The following RFC3 variants were observed in gnomAD, a reference collection of about 807,000 sequenced individuals.
RFC3 encodes the protein replication factor C subunit 3, also known as A1 38 kDa subunit.
A neutral mutation model predicts 45.1 loss-of-function variants in RFC3; 41 were observed. The observed-to-expected ratio is 0.91, with a 90% CI of 0.71 to 1.18. The LOEUF (loss-of-function observed/expected upper bound fraction) is 1.18. RFC3 is among the 50% of genes most tolerant of loss of function. RFC3 has a pLI of 0.00. For synonymous variants in RFC3, 149 were observed against 144.0 expected (o/e 1.03, Z -0.25); for missense variants, 423 against 428.1 (o/e 0.99, Z 0.10).
intron 8 of RFC3, among the ~76,000 whole-genome samples, chr13:33,947,259 T>A (rs1038180949): frequency 1.3e-5 from 2 of 152,202 alleles, no homozygotes; most frequent in African/African-American, 4.8e-5. Context: ...TGAGTGAGTC[T>A]CATGAGATCT....
chr13:33,866,007 C>T lies in RFC3; in HGVS notation c.879+30790C>T, dbSNP rs531808611. On this transcript the variant is annotated intron_variant, in intron 8 of 8. Transcript: ENST00000434425. ...CCGGGAGGTGGAGGTTGCAGTGAGC[C>T]GAGATCATGCCATTGCACTCCAGCC... is the stretch of plus-strand genomic sequence containing the variant. Among the ~76,000 whole-genome samples the T allele has an allele frequency of 5.3e-5, 8 of 152,148 alleles. No individual in the cohort carries two copies. The East Asian group carries it at 1.5e-3, about 29-fold the overall frequency.
intron 8 of RFC3, among the ~76,000 whole-genome samples, chr13:33,888,551 T>A (rs2082542060): frequency 6.6e-6 from 1 of 152,228 alleles, no homozygotes; most frequent in South Asian, 2.1e-4. Context: ...ATGATATTCC[T>A]GTATACAATA....
intron 3 of RFC3, 29 bp downstream of exon 3, chr13:33,824,013 A>G (rs296898): frequency 0.084 from 96,300 of 1,153,068 alleles, 5,403 homozygotes; most frequent in African/African-American, 0.2. Flanking sequence ...GAAATTAAGT[A>G]TTTTTAAAGA....
chr13:33,859,872 A>G (rs1306999786), intron 8 of RFC3, among the ~76,000 whole-genome samples: 1 of 152,156 alleles, frequency 6.6e-6, no homozygotes, highest in Non-Finnish European at 1.5e-5. Context: ...CCCCAAATTC[A>G]TATGTTGAAG....
intron 8 of RFC3, among the ~76,000 whole-genome samples, chr13:33,892,544 T>G (rs1443175673): frequency 6.6e-6 from 1 of 152,208 alleles, no homozygotes; most frequent in Admixed American, 6.5e-5. Context: ...TCTTTCCACT[T>G]AAGATTTGTT....
At chr13:33,833,675 A>T (rs2082124239) in intron 7 of RFC3, among the ~76,000 whole-genome samples, 1 of 152,194 alleles carries the variant, frequency 6.6e-6, no homozygotes, top group Admixed American at 6.5e-5. Context: ...ACTTTTCAGA[A>T]GTAAGCTATA....
intron 8 of RFC3, among the ~76,000 whole-genome samples, chr13:33,857,984 G>C (rs2082318092): frequency 6.6e-6 from 1 of 152,124 alleles, no homozygotes; most frequent in Non-Finnish European, 1.5e-5. Context: ...TTAACAGAGG[G>C]ACTGGCACAT....
At chr13:33,861,567 C>T (rs953775614) in intron 8 of RFC3, among the ~76,000 whole-genome samples, 1 of 151,808 alleles carries the variant, frequency 6.6e-6, no homozygotes, top group South Asian at 2.1e-4. Flanking sequence ...ATCTCTTGAA[C>T]CCAGGAGGTG....
chr13:33,971,273 T>C (rs1363553867), downstream of RFC3, among the ~76,000 whole-genome samples: 2 of 152,220 alleles, frequency 1.3e-5, no homozygotes, highest in Non-Finnish European at 2.9e-5. Context: ...ATTTTGACCT[T>C]TGAGTTTTTA....
chr13:33,972,639 T>A, the RFC3 span, among the ~76,000 whole-genome samples: 1 of 152,190 alleles, frequency 6.6e-6, no homozygotes, highest in South Asian at 2.1e-4. Context: ...CCAAACTCTG[T>A]ACCTGCAAGA....
intron 8 of RFC3, among the ~76,000 whole-genome samples, chr13:33,859,088 G>A (rs992992438): frequency 3.9e-5 from 6 of 152,130 alleles, no homozygotes; most frequent in African/African-American, 1.4e-4. Flanking sequence ...TGGTATAAAC[G>A]AAATGCCACA....
At chr13:33,976,535 T>C in the RFC3 span, among the ~76,000 whole-genome samples, 3 of 152,252 alleles carry the variant, frequency 2.0e-5, no homozygotes, top group South Asian at 6.2e-4. Context: ...AACATTGTAT[T>C]TTATACTTTA....
intron 8 of RFC3, among the ~76,000 whole-genome samples, chr13:33,885,574 A>G (rs1199593347): frequency 1.3e-5 from 2 of 152,200 alleles, no homozygotes; most frequent in Admixed American, 1.3e-4. Flanking sequence ...CCACCTCTGC[A>G]AATAAAAATT....
At chr13:33,931,760 A>G (rs2082853980) in intron 8 of RFC3, among the ~76,000 whole-genome samples, 1 of 151,976 alleles carries the variant, frequency 6.6e-6, no homozygotes, top group African/African-American at 2.4e-5. Flanking sequence ...CTTTCCTCTA[A>G]GAGTCTCCTA....
the RFC3 span, among the ~76,000 whole-genome samples, chr13:33,977,363 T>A: frequency 2.6e-5 from 4 of 152,306 alleles, no homozygotes; most frequent in Non-Finnish European, 4.4e-5. Flanking sequence ...AAATAAAGGT[T>A]TTATTTAAAA....
At chr13:33,934,511 C>G (rs11843446) in intron 8 of RFC3, among the ~76,000 whole-genome samples, 2,529 of 152,182 alleles carry the variant, frequency 0.017, 72 homozygotes, top group African/African-American at 0.055. Context: ...TATCTTGTTT[C>G]CCTGGATGTC....
chr13:33,876,813 A>T (rs1270487001), intron 8 of RFC3, among the ~76,000 whole-genome samples: 2 of 152,212 alleles, frequency 1.3e-5, no homozygotes, highest in Admixed American at 6.5e-5. Context: ...CCTCTATCTT[A>T]TCTCTGAACT....
intron 8 of RFC3, among the ~76,000 whole-genome samples, chr13:33,875,645 AC>A (rs1163741860): frequency 6.6e-6 from 1 of 152,080 alleles, no homozygotes; most frequent in East Asian, 1.9e-4. Flanking sequence ...GGTCTTTCTT[AC>A]CCTCCTCCAA....
At chr13:33,882,037 A>C (rs960963533) in intron 8 of RFC3, among the ~76,000 whole-genome samples, 2 of 152,218 alleles carry the variant, frequency 1.3e-5, no homozygotes, top group Non-Finnish European at 2.9e-5. Flanking sequence ...CTTCTCTGCA[A>C]ATTGGGGGGA....
Sources: gnomAD v4.1 joint callset for allele counts (sites outside exome capture counted in the v4.1 genomes callset) on GRCh38, gnomAD v4.1.1 for gene constraint, MANE v1.5 for transcripts, NCBI Gene and HGNC (gene_info 2026-07-23, HGNC 2026-07-21) for gene names.